Variants in CLVS1 observed in about 807,000 individuals in gnomAD.
The protein encoded by CLVS1 is clavesin 1, also known as clavesin-1.
CLVS1 carries 10 observed loss-of-function variants against 33.1 expected under a neutral mutation model. The ratio of observed to expected loss-of-function variants is 0.30; its 90% CI spans 0.19 to 0.51. The LOEUF (loss-of-function observed/expected upper bound fraction) is 0.51, where lower values mean the gene tolerates loss of function less well. CLVS1 is among the 20% of genes least tolerant of loss of function. The pLI is 0.97. For synonymous variants in CLVS1, 163 were observed against 166.1 expected (o/e 0.98, Z 0.14); for missense variants, 343 against 433.4 (o/e 0.79, Z 1.85).
At chr8:61,303,155 C>A (rs140010258) in intron 2 of CLVS1, among the ~76,000 whole-genome samples, 2 of 152,258 alleles carry the variant, frequency 1.3e-5, no homozygotes, top group African/African-American at 4.8e-5. Flanking sequence ...TCTGCTAAGA[C>A]AGATGAGGTA....
At chr8:60,967,595 G>A in the CLVS1 span, 1 of 455,644 alleles carries the variant, frequency 2.2e-6, no homozygotes, top group Non-Finnish European at 4.4e-6. Flanking sequence ...GCAGCATTCA[G>A]CTTCTGGGAA....
chr8:61,000,708 T>A, the CLVS1 span, among the ~76,000 whole-genome samples: 1 of 152,186 alleles, frequency 6.6e-6, no homozygotes, highest in Admixed American at 6.5e-5. Context: ...ATAACAAACC[T>A]TGTGGGGTTT....
rs199813208 is a variant in CLVS1 at position 61,119,906 on chromosome 8, T to G, written c.-242-11864T>G. Among the ~76,000 whole-genome samples, 747 of 118,338 alleles carry G rather than the reference T, an allele frequency of 6.3e-3. 27 individuals are homozygous for G. Among genetic ancestry groups the G allele is most frequent in the African/African-American group, 0.024 (697 of 28,820 alleles). The allele number at this position is 118,338 out of a possible 152,430, so 77.6% of individuals were successfully genotyped here. A position where few individuals can be genotyped will look rare whatever the true frequency, so the allele number is the denominator to read the frequency against. On this transcript the variant is annotated intron_variant, in intron 1 of 2. Coordinates refer to the CLVS1 transcript ENST00000522621. ...GTGGCGTTCTCTGTATTTCCTGAAT[T>G]TGAATGTTGGCCTGCCTTGCTAGAT...
At chr8:61,051,882 T>A in the CLVS1 span, among the ~76,000 whole-genome samples, 1 of 152,208 alleles carries the variant, frequency 6.6e-6, no homozygotes, top group Non-Finnish European at 1.5e-5. Flanking sequence ...CTGGGCCCCA[T>A]CCCACTCCCA....
intron 2 of CLVS1, among the ~76,000 whole-genome samples, chr8:61,223,900 A>G (rs766757693): frequency 6.6e-6 from 1 of 151,536 alleles, no homozygotes; most frequent in Non-Finnish European, 1.5e-5. Context: ...TCTTGTCTGC[A>G]TGTCTTATTT....
chr8:61,151,814 AG>A (rs1453925482), intron 2 of CLVS1, among the ~76,000 whole-genome samples: 1 of 152,134 alleles, frequency 6.6e-6, no homozygotes, highest in Non-Finnish European at 1.5e-5. Context: ...TTCCCTTGCT[AG>A]GGGTGATCCA....
chr8:61,191,109 C>T (rs1268824603), intron 2 of CLVS1, among the ~76,000 whole-genome samples: 4 of 152,190 alleles, frequency 2.6e-5, no homozygotes, highest in East Asian at 1.9e-4. Context: ...TGATGAACAT[C>T]GATGCAAAAA....
chr8:61,383,889 C>T (rs572972160), intron 3 of CLVS1, among the ~76,000 whole-genome samples: 30 of 152,340 alleles, frequency 2.0e-4, no homozygotes, highest in African/African-American at 6.5e-4. Context: ...CAAAGATAAA[C>T]AGATGCAGTT....
At chr8:61,356,102 C>T (rs562356581) in intron 2 of CLVS1, among the ~76,000 whole-genome samples, 118 of 152,028 alleles carry the variant, frequency 7.8e-4, no homozygotes, top group African/African-American at 2.7e-3. Context: ...TAACGATTGC[C>T]ATTCTAACTG....
chr8:61,245,789 T>C (rs1808793376), intron 2 of CLVS1, among the ~76,000 whole-genome samples: 1 of 152,024 alleles, frequency 6.6e-6, no homozygotes. Context: ...CACCATTTTA[T>C]TATTATCTTA....
At chr8:61,355,269 G>A (rs1812644855) in intron 2 of CLVS1, among the ~76,000 whole-genome samples, 1 of 151,326 alleles carries the variant, frequency 6.6e-6, no homozygotes, top group Non-Finnish European at 1.5e-5. Flanking sequence ...CCTCACTCCA[G>A]TTTAAGAGGA....
chr8:61,043,595 A>G, the CLVS1 span, among the ~76,000 whole-genome samples: 43 of 152,348 alleles, frequency 2.8e-4, no homozygotes, highest in African/African-American at 8.9e-4. Context: ...ATTCTTTCCC[A>G]TAAGGTAGGA....
the CLVS1 span, among the ~76,000 whole-genome samples, chr8:61,032,436 C>T: frequency 6.6e-6 from 1 of 152,208 alleles, no homozygotes; most frequent in Non-Finnish European, 1.5e-5. Flanking sequence ...CTCTGTGTGT[C>T]AGAGTCCTTT....
intron 2 of CLVS1, among the ~76,000 whole-genome samples, chr8:61,334,478 T>G (rs10109019): frequency 0.43 from 64,929 of 152,058 alleles, 15,702 homozygotes; most frequent in East Asian, 0.64. Context: ...CAGCTGGTTC[T>G]TGGAACACAA....
chr8:61,323,784 G>A (rs1278802811), intron 2 of CLVS1, among the ~76,000 whole-genome samples: 1 of 151,980 alleles, frequency 6.6e-6, no homozygotes, highest in East Asian at 1.9e-4. Flanking sequence ...CCATTAGTCA[G>A]TTTTCTGGCC....
At chr8:61,051,661 T>G in the CLVS1 span, among the ~76,000 whole-genome samples, 1 of 152,258 alleles carries the variant, frequency 6.6e-6, no homozygotes, top group Non-Finnish European at 1.5e-5. Flanking sequence ...GGCAGCAGTT[T>G]GCCTGCCTCT....
intron 1 of CLVS1, among the ~76,000 whole-genome samples, chr8:61,106,814 C>T (rs752154882): frequency 1.2e-4 from 18 of 152,238 alleles, no homozygotes; most frequent in East Asian, 9.7e-4. Flanking sequence ...CCTGGAGGCT[C>T]TTACCAATAT....
the CLVS1 span, among the ~76,000 whole-genome samples, chr8:61,006,077 GC>G: frequency 1.3e-5 from 2 of 152,154 alleles, no homozygotes; most frequent in African/African-American, 4.8e-5. Flanking sequence ...AACCTTCCAA[GC>G]AGAACTTGAC....
chr8:61,318,195 AT>A (rs1811075231), intron 2 of CLVS1, among the ~76,000 whole-genome samples: 1 of 152,138 alleles, frequency 6.6e-6, no homozygotes, highest in Admixed American at 6.5e-5. Context: ...TGTCAGTCTA[AT>A]TGCTGTTTCT....
Sources: allele counts gnomAD v4.1 joint callset (sites outside exome capture counted in the v4.1 genomes callset), GRCh38; gene constraint gnomAD v4.1.1; transcripts MANE v1.5; gene names NCBI Gene and HGNC (gene_info 2026-07-23, HGNC 2026-07-21).